ZNF676: variants seen among roughly 807,000 people sequenced by gnomAD.
ZNF676 encodes zinc finger protein 676.
A neutral mutation model predicts 6.0 loss-of-function variants in ZNF676; 4 were observed. The ratio of observed to expected loss-of-function variants is 0.67; its 90% CI spans 0.33 to 1.53. The LOEUF is 1.53. Ranked by LOEUF, ZNF676 falls within the 40% of genes most tolerant of loss-of-function variation. The pLI, the probability that ZNF676 is intolerant of heterozygous loss-of-function variation, is 0.06. For synonymous variants in ZNF676, 198 were observed against 223.1 expected, an observed-to-expected ratio of 0.89 and a Z score of 1.00; for missense variants, 644 against 679.7, an observed-to-expected ratio of 0.95 and a Z score of 0.58.
chr19:22,209,565 C>T (rs572803389), intron 1 of ZNF676, among the ~76,000 whole-genome samples: 1 of 152,136 alleles, frequency 6.6e-6, no homozygotes, highest in East Asian at 1.9e-4. Flanking sequence ...ACTGCAGTGA[C>T]AAAATAATCT....
At chr19:22,258,453 A>C in the ZNF676 span, among the ~76,000 whole-genome samples, 1 of 151,996 alleles carries the variant, frequency 6.6e-6, no homozygotes, top group Non-Finnish European at 1.5e-5. Context: ...TGTGGGCAAA[A>C]CCTAGAAAAA....
chr19:22,226,222 TA>T, the ZNF676 span, among the ~76,000 whole-genome samples: 1 of 152,140 alleles, frequency 6.6e-6, no homozygotes, highest in Non-Finnish European at 1.5e-5. Flanking sequence ...GATCATTATT[TA>T]CAGAAGGGTT....
chr19:22,218,872 A>G (rs1291106775), upstream of ZNF676, among the ~76,000 whole-genome samples: 1 of 152,106 alleles, frequency 6.6e-6, no homozygotes, highest in Non-Finnish European at 1.5e-5. Context: ...ACCTTGTAGT[A>G]TAGTTTGAAG....
chr19:22,233,273 C>T, the ZNF676 span, among the ~76,000 whole-genome samples: 637 of 152,182 alleles, frequency 4.2e-3, 3 homozygotes, highest in Middle Eastern at 0.01. Context: ...CCTTCCAAAC[C>T]GCTGGGATTA....
At chr19:22,240,425 A>C in the ZNF676 span, among the ~76,000 whole-genome samples, 1 of 151,734 alleles carries the variant, frequency 6.6e-6, no homozygotes, top group African/African-American at 2.4e-5. Flanking sequence ...GCTCCCTGTG[A>C]GCAGGGTCCA....
chr19:22,254,891 A>G, the ZNF676 span, among the ~76,000 whole-genome samples: 1 of 152,206 alleles, frequency 6.6e-6, no homozygotes, highest in Non-Finnish European at 1.5e-5. Context: ...GATATGCCAC[A>G]ATTTCACCTG....
intron 1 of ZNF676, among the ~76,000 whole-genome samples, chr19:22,212,490 C>A (rs946242523): frequency 1.3e-5 from 2 of 151,258 alleles, no homozygotes; most frequent in Non-Finnish European, 2.9e-5. Context: ...TACTTGAGGT[C>A]AGAATTTTGA....
the ZNF676 span, among the ~76,000 whole-genome samples, chr19:22,224,038 A>C: frequency 6.6e-6 from 1 of 151,358 alleles, no homozygotes; most frequent in Non-Finnish European, 1.5e-5. Context: ...AGAATCTTCT[A>C]TTTATGATTA....
At chr19:22,213,318 C>T (rs2024149390) in intron 1 of ZNF676, among the ~76,000 whole-genome samples, 1 of 152,146 alleles carries the variant, frequency 6.6e-6, no homozygotes, top group Admixed American at 6.5e-5. Context: ...ATTTTTCTGT[C>T]CCCTAGGAGA....
At chr19:22,196,230 T>C (rs953845397) in intron 1 of ZNF676, among the ~76,000 whole-genome samples, 2 of 152,158 alleles carry the variant, frequency 1.3e-5, no homozygotes, top group Admixed American at 6.5e-5. Context: ...CAAACTTGCT[T>C]CTGCTCCTGC....
chr19:22,206,067 ACAC>A (rs2024073408), intron 1 of ZNF676, among the ~76,000 whole-genome samples: 1 of 50,844 alleles, frequency 2.0e-5, no homozygotes, highest in Non-Finnish European at 3.6e-5. Context: ...ACACACACAC[ACAC>A]ACACACACAC....
chr19:22,190,606 T>A (rs2023888207), intron 2 of ZNF676, among the ~76,000 whole-genome samples: 2 of 119,396 alleles, frequency 1.7e-5, no homozygotes, highest in Non-Finnish European at 3.5e-5. Flanking sequence ...GGATGAAAAA[T>A]TAGACTAATA....
rs1232525237 is a variant in ZNF676, at chr19:22,193,026, T to C, written c.120A>G (p.Glu40=). 3 of 1,607,264 alleles carry C rather than the reference T, an allele frequency of 1.9e-6. No homozygotes were observed. In the South Asian group the frequency reaches 3.3e-5, roughly 18 times the overall value. ...PWNMKRHEMV[E]EPPVICSHFS... is the part of the protein sequence containing the mutation. Reference sequence around the variant, plus strand: ...TTCACTCTCACCTACCTGGGGGTTCTTCCACCATCTCATGTCTCTTCATAT... The same window carrying C: ...TTCACTCTCACCTACCTGGGGGTTCCTCCACCATCTCATGTCTCTTCATAT... Residue 40 remains glutamate, a synonymous_variant, in exon 2 of 3, where the codon GAA becomes GAG. Transcript: ENST00000397121.
At chr19:22,235,750 A>G in the ZNF676 span, among the ~76,000 whole-genome samples, 1 of 152,186 alleles carries the variant, frequency 6.6e-6, no homozygotes, top group African/African-American at 2.4e-5. Context: ...TTTGAATAAG[A>G]TTATGACACA....
chr19:22,218,393 T>C (rs2024214944), upstream of ZNF676, among the ~76,000 whole-genome samples: 1 of 151,978 alleles, frequency 6.6e-6, no homozygotes, highest in African/African-American at 2.4e-5. Context: ...GAGTACAGTG[T>C]CATGATCTCG....
At chr19:22,233,641 T>C in the ZNF676 span, among the ~76,000 whole-genome samples, 508 of 152,360 alleles carry the variant, frequency 3.3e-3, 4 homozygotes, top group African/African-American at 0.011. Context: ...GGTACTGCAG[T>C]CTCTCTGCTG....
the ZNF676 span, among the ~76,000 whole-genome samples, chr19:22,224,906 G>A: frequency 6.6e-6 from 1 of 152,088 alleles, no homozygotes; most frequent in African/African-American, 2.4e-5. Flanking sequence ...AAGGGAAAAG[G>A]AGTACTTTAT....
At chr19:22,190,662 T>TGTTGC (rs2023895499) in intron 2 of ZNF676, among the ~76,000 whole-genome samples, 3 of 122,436 alleles carry the variant, frequency 2.5e-5, no homozygotes, top group African/African-American at 5.0e-5. Context: ...TATATATATA[T>TGTTGC]ATACATACAC....
chr19:22,237,323 T>C, the ZNF676 span, among the ~76,000 whole-genome samples: 4 of 152,172 alleles, frequency 2.6e-5, no homozygotes, highest in Non-Finnish European at 5.9e-5. Flanking sequence ...AATGCAGTAT[T>C]CCTACTTAGT....
Sources: gnomAD v4.1 joint callset for allele counts (sites outside exome capture counted in the v4.1 genomes callset) on GRCh38, gnomAD v4.1.1 for gene constraint, MANE v1.5 for transcripts, NCBI Gene and HGNC (gene_info 2026-07-23, HGNC 2026-07-21) for gene names.